Variants in MTA3 observed in about 807,000 individuals in gnomAD.
MTA3 encodes metastasis-associated protein MTA3.
MTA3 carries 34 observed loss-of-function variants against 83.5 expected under a neutral mutation model. That is an observed-to-expected ratio of 0.41 (90% CI 0.31 to 0.54). The LOEUF is 0.54. Ranked by LOEUF, MTA3 falls within the 20% of genes least tolerant of loss-of-function variation. The pLI, the probability that MTA3 is intolerant of heterozygous loss-of-function variation, is 0.33. For missense variants in MTA3, 761 were observed against 726.4 expected, an observed-to-expected ratio of 1.05 and a Z score of -0.55; for synonymous variants, 303 against 252.7, an observed-to-expected ratio of 1.20 and a Z score of -1.89.
At chr2:42,704,640 C>T (rs1665907351) in intron 12 of MTA3, among the ~76,000 whole-genome samples, 1 of 152,172 alleles carries the variant, frequency 6.6e-6, no homozygotes, top group African/African-American at 2.4e-5. Flanking sequence ...TCCCATGATG[C>T]ATACCAAATT....
chr2:42,606,382 ACGGGGCGGCCGGGCAGAGACGC>A (rs1683409153), intron 3 of MTA3, among the ~76,000 whole-genome samples: 1 of 120,998 alleles, frequency 8.3e-6, no homozygotes, highest in African/African-American at 3.2e-5. Context: ...CACTTCTCAG[ACGGGGCGGCCGGGCAGAGACGC>A]TCCTCACCTC....
chr2:42,756,150 C>A lies in MTA3; in HGVS notation c.*2751C>A. The A allele has an allele frequency of 2.2e-6, 1 of 450,672 alleles. No homozygotes were observed. The allele number at this position is 450,672 out of a possible 1,614,324, so 27.9% of individuals were successfully genotyped here. On this transcript the variant is annotated 3_prime_UTR_variant, in exon 17 of 17. Coordinates refer to ENST00000405094, the MANE Select transcript of MTA3 (RefSeq NM_001330442.2). The stretch of plus-strand genomic sequence containing the variant: ...GGGGAACAACAACAGCAAGCCGCCC[C>A]CATCCTGAGACTGGCTGGGCACCAG...
At chr2:42,723,183 C>A in intron 16 of MTA3, 148 bp downstream of exon 16, 1 of 953,848 alleles carries the variant, frequency 1.0e-6, no homozygotes, top group Non-Finnish European at 1.5e-6. Context: ...GGAATACAGC[C>A]ATATGCCACA....
At chr2:42,577,135 A>ATATATATAT (rs1558451263) in intron 2 of MTA3, among the ~76,000 whole-genome samples, 8 of 93,986 alleles carry the variant, frequency 8.5e-5, no homozygotes, top group African/African-American at 3.8e-4. Context: ...TATATATATA[A>ATATATATAT]AAATGAACTC....
At chr2:42,719,123 G>A in intron 15 of MTA3, 49 bp downstream of exon 15, 1 of 1,372,958 alleles carries the variant, frequency 7.3e-7, no homozygotes, top group Non-Finnish European at 1.0e-6. Context: ...TTTCTGAATA[G>A]TATAGATATT....
intron 2 of MTA3, among the ~76,000 whole-genome samples, chr2:42,562,099 G>A (rs1385223463): frequency 3.9e-5 from 6 of 152,044 alleles, no homozygotes; most frequent in African/African-American, 7.2e-5. Context: ...CCATCTCTGC[G>A]TCTCCCTTCA....
At chr2:42,510,810 A>T (rs918029147) in intron 2 of MTA3, among the ~76,000 whole-genome samples, 5 of 152,096 alleles carry the variant, frequency 3.3e-5, no homozygotes, top group African/African-American at 1.2e-4. Flanking sequence ...AGAGAGGGGG[A>T]TGCCCCCACT....
At chr2:42,752,586 G>C (rs1669961035) in intron 16 of MTA3, among the ~76,000 whole-genome samples, 1 of 152,104 alleles carries the variant, frequency 6.6e-6, no homozygotes, top group Non-Finnish European at 1.5e-5. Context: ...AGGGGCATAG[G>C]AATAGTTCCT....
At chr2:42,692,793 C>G (rs1693021333) in intron 9 of MTA3, among the ~76,000 whole-genome samples, 1 of 152,206 alleles carries the variant, frequency 6.6e-6, no homozygotes, top group African/African-American at 2.4e-5. Context: ...TCCCTCCTGA[C>G]TTACTTACTT....
At chr2:42,499,912 T>C (rs1674319366) in intron 2 of MTA3, among the ~76,000 whole-genome samples, 1 of 151,910 alleles carries the variant, frequency 6.6e-6, no homozygotes. Context: ...ATGAAATATG[T>C]ACAGTTTTTT....
At chr2:42,495,444 T>C (rs1004676251) in intron 2 of MTA3, among the ~76,000 whole-genome samples, 1 of 152,202 alleles carries the variant, frequency 6.6e-6, no homozygotes, top group Non-Finnish European at 1.5e-5. Context: ...TCTATTTTGC[T>C]ATTTAGTGTC....
intron 3 of MTA3, among the ~76,000 whole-genome samples, chr2:42,587,530 T>C (rs1680488110): frequency 2.0e-5 from 3 of 152,310 alleles, no homozygotes; most frequent in Admixed American, 6.5e-5. Flanking sequence ...GCAATATTTT[T>C]TTTCAAAAAT....
At chr2:42,498,057 C>T (rs2103634526) in intron 2 of MTA3, among the ~76,000 whole-genome samples, 1 of 152,288 alleles carries the variant, frequency 6.6e-6, no homozygotes, top group African/African-American at 2.4e-5. Context: ...CTCCAAACAC[C>T]GTTTCCCCCA....
At chr2:42,496,758 C>G (rs1674156171) in intron 2 of MTA3, among the ~76,000 whole-genome samples, 1 of 152,186 alleles carries the variant, frequency 6.6e-6, no homozygotes, top group African/African-American at 2.4e-5. Context: ...ATGTCAAACT[C>G]TGCTCACTCT....
At chr2:42,521,091 G>A (rs1191507350) in intron 2 of MTA3, among the ~76,000 whole-genome samples, 2 of 152,140 alleles carry the variant, frequency 1.3e-5, no homozygotes, top group East Asian at 3.9e-4. Flanking sequence ...GGACCTAGTG[G>A]CTCACTTCTA....
At chr2:42,499,362 C>G (rs1674293821) in intron 2 of MTA3, among the ~76,000 whole-genome samples, 1 of 151,232 alleles carries the variant, frequency 6.6e-6, no homozygotes, top group African/African-American at 2.4e-5. Context: ...GACAGGGTTT[C>G]TCCATGTTGG....
chr2:42,717,196 A>G (rs1405326564), intron 14 of MTA3, among the ~76,000 whole-genome samples: 4 of 142,024 alleles, frequency 2.8e-5, no homozygotes, highest in African/African-American at 1.0e-4. Flanking sequence ...TTTATTTAAA[A>G]TTATTTGAAG....
chr2:42,529,518 C>T (rs1435484107), intron 2 of MTA3, among the ~76,000 whole-genome samples: 3 of 152,328 alleles, frequency 2.0e-5, no homozygotes, highest in East Asian at 3.9e-4. Flanking sequence ...CCTGTACCCT[C>T]GTTTTTATTT....
At chr2:42,599,149 T>A (rs1179743040) in intron 3 of MTA3, among the ~76,000 whole-genome samples, 3 of 152,154 alleles carry the variant, frequency 2.0e-5, no homozygotes, top group African/African-American at 7.2e-5. Context: ...TTCCGCAAGT[T>A]TTTCCTGAGC....
Sources: gnomAD v4.1 joint callset for allele counts (sites outside exome capture counted in the v4.1 genomes callset) on GRCh38, gnomAD v4.1.1 for gene constraint, MANE v1.5 for transcripts, NCBI Gene and HGNC (gene_info 2026-07-23, HGNC 2026-07-21) for gene names.